The following ATR variants were observed in gnomAD, a reference collection of about 807,000 sequenced individuals.
ATR encodes the protein ATR checkpoint kinase.
A neutral mutation model predicts 305.3 loss-of-function variants in ATR; 142 were observed. That is an observed-to-expected ratio of 0.47 (90% CI 0.41 to 0.53). ATR has a LOEUF of 0.53. ATR is among the 20% of genes least tolerant of loss of function. The probability of loss-of-function intolerance (pLI) is 0.00; values close to 1 mark genes in which losing one functional copy is unlikely to be tolerated. For missense variants in ATR, 2,135 were observed against 3,133.1 expected, an observed-to-expected ratio of 0.68 and a Z score of 7.60; for synonymous variants, 1,050 against 1,068.1, an observed-to-expected ratio of 0.98 and a Z score of 0.33.
intron 24 of ATR, among the ~76,000 whole-genome samples, chr3:142,516,373 G>T (rs961737326): frequency 6.6e-6 from 1 of 152,156 alleles, no homozygotes; most frequent in Admixed American, 6.5e-5. Context: ...TCAGGCTACT[G>T]CACTGATACA....
chr3:142,478,836 T>C (rs1202305535), intron 36 of ATR, among the ~76,000 whole-genome samples: 1 of 152,140 alleles, frequency 6.6e-6, no homozygotes, highest in South Asian at 2.1e-4. Context: ...CCCTTTACCA[T>C]TATGTAATGG....
At chr3:142,530,820 T>C (rs1047341832) in intron 21 of ATR, among the ~76,000 whole-genome samples, 3 of 152,190 alleles carry the variant, frequency 2.0e-5, no homozygotes, top group African/African-American at 7.2e-5. Context: ...CTACAAACGT[T>C]GGGCATACTT....
At chr3:142,450,879 C>A (rs577046438) in intron 46 of ATR, 3 of 1,302,534 alleles carry the variant, frequency 2.3e-6, no homozygotes, top group East Asian at 7.3e-5. Flanking sequence ...CAGACAGATA[C>A]CAATACGGTG....
intron 39 of ATR, 128 bp downstream of exon 39, chr3:142,467,806 A>G: frequency 2.9e-6 from 3 of 1,045,150 alleles, no homozygotes; most frequent in South Asian, 3.8e-5. Flanking sequence ...TAATTAAAAT[A>G]TACATTTTGA....
rs1231784273 is a variant in ATR, at chr3:142,498,730, A to G, written c.5425T>C (p.Leu1809=). Residue 1809 remains leucine, a synonymous_variant, in exon 32 of 47, where the codon TTA becomes CTA. Coordinates refer to ENST00000350721, the MANE Select transcript of ATR (RefSeq NM_001184.4). The part of the protein sequence containing the change: ...TWSVRLGQLL[L]SAKKRDITAF... ...GTGATATCTCTTTTTTTGGCTGATA[A>G]TAATAGCTGTCCCAGTCTGACACTC... is the stretch of plus-strand genomic sequence containing the variant. 1 of 1,613,972 alleles carries G rather than the reference A, an allele frequency of 6.2e-7. No homozygotes were observed. Among genetic ancestry groups the G allele is most frequent in the African/African-American group, 1.3e-5 (1 of 74,894 alleles).
At chr3:142,507,238 A>C (rs2032297309) in intron 28 of ATR, among the ~76,000 whole-genome samples, 1 of 152,004 alleles carries the variant, frequency 6.6e-6, no homozygotes, top group African/African-American at 2.4e-5. Flanking sequence ...TATTCGCCTC[A>C]CCTGCTCTTA....
chr3:142,477,149 G>A (rs370702132), intron 36 of ATR, among the ~76,000 whole-genome samples: 3 of 152,180 alleles, frequency 2.0e-5, no homozygotes. Context: ...GGAGTGGTGA[G>A]AGAGGGCATC....
rs752654793 is a variant in ATR at position 142,465,178 on chromosome 3, C to T, written c.6960G>A (p.Lys2320=). The T allele has an allele frequency of 2.4e-5, 38 of 1,609,470 alleles. No individual in the cohort carries two copies. In the South Asian group the frequency reaches 4.0e-4, roughly 17 times the overall value. Residue 2320 remains lysine (K), a synonymous_variant, in exon 41 of 47, where the codon AAG becomes AAA. Transcript: ENST00000350721. Reference sequence around the variant, plus strand: ...TTGGCTTACACATCATGATGTAGAACTTTCCATCTGAGCCTTTTAAAGAAA... The same window carrying T: ...TTGGCTTACACATCATGATGTAGAATTTTCCATCTGAGCCTTTTAAAGAAA... The part of the protein sequence containing the change: ...KKISLKGSDG[K]FYIMMCKPKD...
intron 38 of ATR, 103 bp from the exon 39 acceptor site, chr3:142,468,171 G>A: frequency 7.5e-7 from 1 of 1,333,164 alleles, no homozygotes; most frequent in South Asian, 1.3e-5. Flanking sequence ...TTCATGATGA[G>A]AGTTTATATG....
chr3:142,466,189 T>TA lies in ATR; in HGVS notation c.6897+134dup, dbSNP rs371840826. 211 of 1,042,038 alleles carry TA rather than the reference T, an allele frequency of 2.0e-4. 1 individual carries two copies. In the East Asian group the frequency reaches 5.5e-3, roughly 27 times the overall value. 64.5% of individuals were successfully genotyped at this position (1,042,038 alleles called of 1,614,324 possible). ...CCATCAGTACAAATGAGTTTAGTTT[T>TA]ACTCTTCTGTATTTCCAATTATTTT... On this transcript the variant is annotated intron_variant, in intron 40 of 46. Coordinates refer to ENST00000350721, the MANE Select transcript of ATR (RefSeq NM_001184.4).
intron 13 of ATR, among the ~76,000 whole-genome samples, chr3:142,552,532 T>C (rs866004017): frequency 4.9e-4 from 75 of 152,080 alleles, no homozygotes; most frequent in Middle Eastern, 3.4e-3. Flanking sequence ...TAGCCAGGCA[T>C]GGTGGCAGGC....
rs754118618 is a variant in ATR at position 142,497,197 on chromosome 3, A to G, written c.5559-5T>C. 1.2e-6 allele frequency: 2 copies of G among 1,613,526 alleles called. No individual in the cohort carries two copies. Among genetic ancestry groups the G allele is most frequent in the East Asian group, 2.2e-5 (1 of 44,868 alleles). The stretch of plus-strand genomic sequence containing the variant: ...AACTCACATAACATGTGCAATCTGA[A>G]GATAGATAGAGCCTATGTTAAAATG... On this transcript the variant is annotated splice_region_variant and splice_polypyrimidine_tract_variant and intron_variant, in intron 32 of 46. Coordinates refer to ENST00000350721, the MANE Select transcript of ATR (RefSeq NM_001184.4).
chr3:142,479,438 A>C (rs954565429), intron 36 of ATR, among the ~76,000 whole-genome samples: 8 of 152,126 alleles, frequency 5.3e-5, no homozygotes, highest in African/African-American at 1.9e-4. Flanking sequence ...TGGCTTGTAG[A>C]ATTTCTGCCG....
At chr3:142,560,813 G>T (rs2034853254) in intron 5 of ATR, among the ~76,000 whole-genome samples, 1 of 152,160 alleles carries the variant, frequency 6.6e-6, no homozygotes, top group Non-Finnish European at 1.5e-5. Context: ...GCCCGCCTCG[G>T]CCTCCCAAAG....
chr3:142,578,691 C>T lies in ATR; in HGVS notation c.14G>A (p.Gly5Asp), dbSNP rs200753177. ...GGGGATCATGGAAGCCAGCTCCAGG[C>T]CATGTTCCCCCATGCTGAGGCTGCG... MGEH[G>D]LELASMIPAL... The change falls in exon 1 of 47, where the codon GGC (glycine) becomes GAC (aspartate). Residue 5 changes from glycine (G) to aspartate (D), a missense_variant. Physicochemically the swap from Gly to Asp is moderately conservative, Grantham distance 94. Coordinates refer to ENST00000350721, the MANE Select transcript of ATR (RefSeq NM_001184.4). The T allele has an allele frequency of 3.1e-6, 5 of 1,613,310 alleles. No individual in the cohort carries two copies. The highest frequency in any genetic ancestry group is 1.1e-5 in the South Asian group (1 of 90,684).
intron 24 of ATR, among the ~76,000 whole-genome samples, chr3:142,518,899 A>T (rs955079659): frequency 6.6e-5 from 10 of 152,204 alleles, no homozygotes; most frequent in African/African-American, 2.4e-4. Context: ...AAGTCATTTA[A>T]ATTTTTTAAG....
At chr3:142,578,198 G>C (rs989680672) in intron 1 of ATR, among the ~76,000 whole-genome samples, 16 of 152,198 alleles carry the variant, frequency 1.1e-4, no homozygotes, top group African/African-American at 3.9e-4. Context: ...TTCAAGGGCA[G>C]TTTGGGGACA....
intron 13 of ATR, among the ~76,000 whole-genome samples, chr3:142,552,956 AG>A (rs1018239668): frequency 1.4e-5 from 2 of 145,112 alleles, no homozygotes; most frequent in Non-Finnish European, 1.5e-5. Context: ...GGGGCCTGTA[AG>A]GGGGGTGGGG....
At chr3:142,542,153 A>AC (rs2034074954) in intron 17 of ATR, among the ~76,000 whole-genome samples, 6 of 152,156 alleles carry the variant, frequency 3.9e-5, no homozygotes, top group Admixed American at 3.3e-4. Flanking sequence ...GTGTTCAAAA[A>AC]CACCATGAGC....
Sources: allele counts gnomAD v4.1 joint callset (sites outside exome capture counted in the v4.1 genomes callset), GRCh38; gene constraint gnomAD v4.1.1; transcripts MANE v1.5; gene names NCBI Gene and HGNC (gene_info 2026-07-23, HGNC 2026-07-21).